Variants in POLN observed in about 807,000 individuals in gnomAD.
The protein encoded by POLN is DNA polymerase N.
Under a neutral mutation model 113.5 loss-of-function variants are expected in POLN, and 108 were observed. That is an observed-to-expected ratio of 0.95 (90% confidence interval 0.81 to 1.12). The LOEUF is 1.12. POLN is among the 50% of genes most tolerant of loss of function. The probability of loss-of-function intolerance (pLI) is 0.00; values close to 1 mark genes in which losing one functional copy is unlikely to be tolerated. For synonymous variants in POLN, 386 were observed against 391.5 expected (o/e 0.99, Z 0.17); for missense variants, 1,097 against 1,077.1 (o/e 1.02, Z -0.26).
intron 19 of POLN, among the ~76,000 whole-genome samples, chr4:2,101,319 A>G (rs1394098232): frequency 6.6e-6 from 1 of 152,256 alleles, no homozygotes; most frequent in Non-Finnish European, 1.5e-5. Context: ...TCCACTTAAA[A>G]GAACCAAAAT....
chr4:2,229,261 A>C lies in POLN; in HGVS notation c.-12-18T>G. ...ACAAAATCCTAAATGTAAGATTAAC[A>C]TAAGATAAATCCCATATATTAATCC... On this transcript the variant is annotated intron_variant, in intron 2 of 25. Transcript: ENST00000511885. The C allele has an allele frequency of 6.4e-7, 1 of 1,558,138 alleles. No homozygotes were observed. Among genetic ancestry groups the C allele is most frequent in the Non-Finnish European group, 8.7e-7 (1 of 1,145,522 alleles).
At chr4:2,123,012 G>C (rs906738204) in intron 19 of POLN, among the ~76,000 whole-genome samples, 2 of 152,034 alleles carry the variant, frequency 1.3e-5, no homozygotes, top group Non-Finnish European at 2.9e-5. Flanking sequence ...AAAAAATCTA[G>C]CCAGGCATGC....
intron 19 of POLN, among the ~76,000 whole-genome samples, chr4:2,114,700 A>T (rs1731275452): frequency 6.6e-6 from 1 of 152,064 alleles, no homozygotes; most frequent in African/African-American, 2.4e-5. Context: ...TTGATTTTAC[A>T]TTGTCTAATG....
rs372763552 is a variant in POLN at position 2,095,659 on chromosome 4, T to C, written c.2065+192A>G. On this transcript the variant is annotated intron_variant, in intron 20 of 25. Transcript: ENST00000511885. Reference sequence around the variant, plus strand: ...AGCTCCGCGGCCTCCCCTGAGAGGCTGGATGTGACTCTGAGCAGGTCAAGG... The same window carrying C: ...AGCTCCGCGGCCTCCCCTGAGAGGCCGGATGTGACTCTGAGCAGGTCAAGG... 2.6e-5 allele frequency among the ~76,000 whole-genome samples: 4 copies of C among 152,306 alleles called. No homozygotes were observed. The East Asian group carries it at 7.7e-4, about 29-fold the overall frequency.
chr4:2,198,747 C>T (rs772151264), intron 5 of POLN, 30 bp from the exon 6 acceptor site: 3 of 1,546,334 alleles, frequency 1.9e-6, no homozygotes, highest in Admixed American at 3.8e-5. Flanking sequence ...TAAATTAAAC[C>T]CAGACAACAT....
At chr4:2,209,587 G>A (rs116581957) in intron 4 of POLN, among the ~76,000 whole-genome samples, 3,107 of 150,346 alleles carry the variant, frequency 0.021, 55 homozygotes, top group Non-Finnish European at 0.03. Context: ...GGTGGGGAAA[G>A]CAATCCTATC....
chr4:2,114,463 G>A (rs1731271243), intron 19 of POLN, among the ~76,000 whole-genome samples: 1 of 152,086 alleles, frequency 6.6e-6, no homozygotes, highest in African/African-American at 2.4e-5. Flanking sequence ...ATCTGAAAAT[G>A]TATCTTTTGC....
At chr4:2,145,053 T>G (rs1027221155) in intron 16 of POLN, among the ~76,000 whole-genome samples, 2 of 152,182 alleles carry the variant, frequency 1.3e-5, no homozygotes, top group African/African-American at 4.8e-5. Flanking sequence ...GTTCTTACAA[T>G]AACAATAGCT....
At chr4:2,082,342 C>G (rs1025706547) in intron 21 of POLN, among the ~76,000 whole-genome samples, 1 of 152,120 alleles carries the variant, frequency 6.6e-6, no homozygotes, top group African/African-American at 2.4e-5. Flanking sequence ...TTTTGCAAAG[C>G]CATGTGGAGG....
chr4:2,147,550 A>T (rs1732175085), intron 16 of POLN, among the ~76,000 whole-genome samples: 1 of 152,060 alleles, frequency 6.6e-6, no homozygotes, highest in African/African-American at 2.4e-5. Flanking sequence ...CACACTGTCA[A>T]CAGGCCATAA....
At chr4:2,212,684 C>G (rs1734021440) in intron 4 of POLN, among the ~76,000 whole-genome samples, 3 of 152,130 alleles carry the variant, frequency 2.0e-5, no homozygotes, top group South Asian at 2.1e-4. Flanking sequence ...CTGCATCCAG[C>G]CTAGGTCGAT....
chr4:2,228,868 T>C (rs1334072375), intron 3 of POLN: 2 of 394,502 alleles, frequency 5.1e-6, no homozygotes, highest in Non-Finnish European at 9.0e-6. Flanking sequence ...TCTAAGGGAA[T>C]GTTTGACAGA....
At chr4:2,147,988 A>G (rs1732192855) in intron 16 of POLN, among the ~76,000 whole-genome samples, 1 of 152,092 alleles carries the variant, frequency 6.6e-6, no homozygotes, top group Non-Finnish European at 1.5e-5. Context: ...CATTCCAGGT[A>G]CAGAGCCAGG....
At chr4:2,174,841 G>A in intron 9 of POLN, 90 bp from the exon 10 acceptor site, 1 of 743,996 alleles carries the variant, frequency 1.3e-6, no homozygotes, top group Non-Finnish European at 2.1e-6. Context: ...TTTTTTTTTT[G>A]AGACAGAGTC....
At chr4:2,168,814 C>A (rs551140507) in intron 13 of POLN, among the ~76,000 whole-genome samples, 4 of 152,310 alleles carry the variant, frequency 2.6e-5, no homozygotes, top group African/African-American at 7.2e-5. Context: ...CAGTGCTCCA[C>A]GAACACACCA....
chr4:2,097,661 T>A (rs902543465), intron 19 of POLN, among the ~76,000 whole-genome samples: 3 of 152,222 alleles, frequency 2.0e-5, no homozygotes, highest in Admixed American at 1.3e-4. Flanking sequence ...CTACCATTTT[T>A]AAGTTTTTTC....
Position 2,241,170 on chromosome 4 carries a change from A to G in POLN, c.-13+350T>C, listed in dbSNP as rs78926305. ...TAAAAAGAAGACACAGACAAATATC[A>G]CATGATATCCGAGAGCGGGATAAAT... On this transcript the variant is annotated intron_variant, in intron 2 of 25. Transcript: ENST00000511885. The G allele has an allele frequency of 7.0e-3, 3,153 of 450,304 alleles. 15 individuals carry two copies. Among genetic ancestry groups the G allele is most frequent in the Non-Finnish European group, 9.8e-3 (2,529 of 258,614 alleles). The allele number at this position is 450,304 out of a possible 1,614,324, so 27.9% of individuals were successfully genotyped here. A position where few individuals can be genotyped will look rare whatever the true frequency, so the allele number is the denominator to read the frequency against.
chr4:2,213,309 T>C (rs1328320483), intron 3 of POLN, among the ~76,000 whole-genome samples, 183 bp from the exon 4 acceptor site: 2 of 152,236 alleles, frequency 1.3e-5, no homozygotes, highest in Admixed American at 6.5e-5. Context: ...TAAATATTTA[T>C]GTAAAGTACC....
intron 7 of POLN, among the ~76,000 whole-genome samples, chr4:2,182,810 T>C (rs1029645120): frequency 7.1e-6 from 1 of 140,322 alleles, no homozygotes; most frequent in Non-Finnish European, 1.5e-5. Context: ...AAAACACAAA[T>C]AAATCGGATT....
Sources: gnomAD v4.1 joint callset for allele counts (sites outside exome capture counted in the v4.1 genomes callset) on GRCh38, gnomAD v4.1.1 for gene constraint, MANE v1.5 for transcripts, NCBI Gene and HGNC (gene_info 2026-07-23, HGNC 2026-07-21) for gene names.